SMG1: variants seen among roughly 807,000 people sequenced by gnomAD.
SMG1 encodes SMG1 nonsense mediated mRNA decay associated PI3K related kinase.
In SMG1, 22 loss-of-function variants were observed where a neutral mutation model predicts 419.9. The observed-to-expected ratio is 0.05, with a 90% CI of 0.04 to 0.07. The LOEUF is 0.07. Ranked by LOEUF, SMG1 falls within the 10% of genes least tolerant of loss-of-function variation. The probability of loss-of-function intolerance (pLI) is 1.00; values close to 1 mark genes in which losing one functional copy is unlikely to be tolerated. For synonymous variants in SMG1, 1,538 were observed against 1,553.5 expected (o/e 0.99, Z 0.23); for missense variants, 3,185 against 4,342.0 (o/e 0.73, Z 7.49).
intron 6 of SMG1, among the ~76,000 whole-genome samples, chr16:18,889,135 T>C (rs578151538): frequency 6.6e-6 from 1 of 152,300 alleles, no homozygotes; most frequent in Admixed American, 6.5e-5. Context: ...GTAAGCCAAT[T>C]TCTTAGAAGA....
intron 51 of SMG1, among the ~76,000 whole-genome samples, chr16:18,832,655 G>A (rs2033278266): frequency 6.6e-6 from 1 of 151,972 alleles, no homozygotes; most frequent in Non-Finnish European, 1.5e-5. Context: ...AGTAAGCGGT[G>A]TGGACTATAT....
intron 13 of SMG1, among the ~76,000 whole-genome samples, chr16:18,874,735 A>G (rs1259961936): frequency 6.6e-6 from 1 of 150,636 alleles, no homozygotes; most frequent in African/African-American, 2.4e-5. Flanking sequence ...TCGTAGTGGT[A>G]GGTGTCTGTA....
At position 18,892,295 on chromosome 16, in the gene SMG1, G is replaced by A. The variant is rs762315372; in HGVS notation, c.472C>T (p.Arg158Trp). The A allele has an allele frequency of 3.2e-5, 50 of 1,550,428 alleles. No homozygotes were observed. Among genetic ancestry groups the A allele is most frequent in the Admixed American group, 7.8e-5 (4 of 51,024 alleles). ...AATCTTCGGTCTCTGTCGTCTTCCC[G>A]GGTGATCCTCCGAAGAAGATTCGAC... ...RLSNLLRRIT[R>W]EDDRDRRLAT... The change falls in exon 4 of 63, where the codon CGG becomes TGG. Residue 158 changes from arginine (R) to tryptophan (W), a missense_variant. Coordinates refer to ENST00000446231, the MANE Select transcript of SMG1 (RefSeq NM_015092.5).
intron 1 of SMG1, among the ~76,000 whole-genome samples, chr16:18,923,576 A>G (rs1047688734): frequency 1.3e-5 from 2 of 151,668 alleles, no homozygotes; most frequent in Admixed American, 1.3e-4. Context: ...CAGAGGCTGC[A>G]GTGAGTCGAG....
chr16:18,856,454 A>T (rs2034915432), intron 29 of SMG1: 1 of 150,374 alleles, frequency 6.7e-6, no homozygotes, highest in Non-Finnish European at 1.5e-5. Flanking sequence ...CTCCTGCCTC[A>T]GCCTCCCAAG....
intron 25 of SMG1, 84 bp downstream of exon 25, chr16:18,863,566 G>T: frequency 2.4e-6 from 3 of 1,242,394 alleles, no homozygotes; most frequent in South Asian, 1.2e-5. Context: ...TACTACATAT[G>T]ACCAATTTTA....
chr16:18,899,702 T>C (rs371241028), intron 1 of SMG1, among the ~76,000 whole-genome samples: 11 of 152,006 alleles, frequency 7.2e-5, no homozygotes, highest in Admixed American at 5.9e-4. Context: ...AACTGCAGAT[T>C]TGAACTCCAA....
intron 1 of SMG1, among the ~76,000 whole-genome samples, chr16:18,906,522 G>A (rs2037569611): frequency 1.3e-5 from 2 of 152,068 alleles, no homozygotes; most frequent in Non-Finnish European, 2.9e-5. Flanking sequence ...TAAAATACCT[G>A]CACCTGATTC....
Position 18,892,125 on chromosome 16 carries a change from G to C in SMG1, c.549+93C>G, listed in dbSNP as rs2036911728. Reference sequence around the variant, plus strand: ...TTAAGTTCTCGATCATCATAATACAGACTTTCCCCATTCTTAAACTACTCA... The same window carrying C: ...TTAAGTTCTCGATCATCATAATACACACTTTCCCCATTCTTAAACTACTCA... On this transcript the variant is annotated intron_variant, in intron 4 of 62. Coordinates refer to ENST00000446231, the MANE Select transcript of SMG1 (RefSeq NM_015092.5). The C allele has an allele frequency of 2.1e-5, 18 of 877,780 alleles. No homozygotes were observed. In the Admixed American group the frequency reaches 3.4e-4, roughly 17 times the overall value. The allele number at this position is 877,780 out of a possible 1,614,324, so 54.4% of individuals were successfully genotyped here.
At chr16:18,851,503 C>T (rs987791458) in intron 33 of SMG1, among the ~76,000 whole-genome samples, 2 of 152,238 alleles carry the variant, frequency 1.3e-5, no homozygotes, top group African/African-American at 4.8e-5. Context: ...TAAGAACTTA[C>T]AATTTCTGAT....
At chr16:18,896,290 C>T (rs2037123839) in intron 2 of SMG1, 83 bp from the exon 3 acceptor site, 7 of 1,295,292 alleles carry the variant, frequency 5.4e-6, no homozygotes, top group South Asian at 1.2e-5. Context: ...GATCTTATTA[C>T]TCAATCTGCA....
chr16:18,814,169 G>GA (rs34187460), intron 60 of SMG1, among the ~76,000 whole-genome samples: 7 of 150,884 alleles, frequency 4.6e-5, no homozygotes, highest in Non-Finnish European at 8.9e-5. Context: ...TTATTAACTG[G>GA]AAAGGCAACA....
At chr16:18,816,275 A>C in intron 58 of SMG1, 27 bp downstream of exon 58, 1 of 1,545,926 alleles carries the variant, frequency 6.5e-7, no homozygotes, top group Non-Finnish European at 8.9e-7. Flanking sequence ...AGGGAGAGTA[A>C]ATGTGTGTTC....
Position 18,873,310 on chromosome 16 carries a change from C to T in SMG1, c.1891-686G>A, listed in dbSNP as rs557272812. Among the ~76,000 whole-genome samples the T allele has an allele frequency of 1.6e-4, 24 of 152,050 alleles. No individual in the cohort carries two copies. In the East Asian group the frequency reaches 4.1e-3, roughly 26 times the overall value. The stretch of plus-strand genomic sequence containing the variant: ...CTTGGCTCACTGCAACCTCCACCTC[C>T]GGGGTTCAAGCAATTCTCCCTGCCT... On this transcript the variant is annotated intron_variant, in intron 13 of 62. Coordinates refer to ENST00000446231, the MANE Select transcript of SMG1 (RefSeq NM_015092.5).
In SMG1 at chr16:18,829,938, T is replaced by C. The variant is rs772473180; in HGVS notation, c.9121A>G (p.Lys3041Glu). The C allele has an allele frequency of 6.4e-7, 1 of 1,552,966 alleles. No homozygotes were observed. Among genetic ancestry groups the C allele is most frequent in the Non-Finnish European group, 8.7e-7 (1 of 1,152,664 alleles). Residue 3041 changes from lysine (K) to glutamate (E), a missense_variant, in exon 53 of 63, where the codon AAA becomes GAA. By Grantham distance (56) the Lys-to-Glu change is moderately conservative (BLOSUM62 1). Coordinates refer to ENST00000446231, the MANE Select transcript of SMG1 (RefSeq NM_015092.5). ...EFFRLCGTFS[K>E]TLSGSSSLED... is the part of the protein sequence containing the mutation. ...GGTAGAATATTACCTGACAATGTTT[T>C]AGAAAAGGTACCACAGAGCCTGAAG...
chr16:18,852,330 A>G lies in SMG1; in HGVS notation c.4901T>C (p.Val1634Ala). The G allele has an allele frequency of 7.4e-6, 12 of 1,612,018 alleles. No homozygotes were observed. The highest frequency in any genetic ancestry group is 1.0e-5 in the Non-Finnish European group (12 of 1,179,290). Residue 1634 changes from valine (V) to alanine (A), a missense_variant, in exon 32 of 63, where the codon GTT becomes GCT. Val to Ala is a moderately conservative substitution (Grantham distance 64). Transcript: ENST00000446231. ...CATTTAAACATACCTGGCATTGTCA[A>G]CCACCTTTCTGCCCCACCTATAAGC... ...SWAYRWGRKV[V>A]DNASQGEGVR...
chr16:18,815,554 T>C lies in SMG1; in HGVS notation c.10400A>G (p.Gln3467Arg). 6.2e-6 allele frequency: 10 copies of C among 1,614,022 alleles called. No homozygotes were observed. The highest frequency in any genetic ancestry group is 5.9e-6 in the Non-Finnish European group (7 of 1,179,890). ...GEYKSWQDNI[Q>R]TVLFTLVQAM... ...CTGGACTAATGTAAATAGAACTGTT[T>C]GAATGTTGTCTTGCCATGATTTATA... The change falls in exon 59 of 63, where the codon CAA (glutamine) becomes CGA (arginine). Residue 3467 changes from glutamine (Q) to arginine (R), a missense_variant. Physicochemically the swap from Gln to Arg is conservative, Grantham distance 43. Coordinates refer to ENST00000446231, the MANE Select transcript of SMG1 (RefSeq NM_015092.5).
intron 54 of SMG1, 111 bp downstream of exon 54, chr16:18,829,175 G>GT (rs1567328342): frequency 3.5e-6 from 3 of 856,490 alleles, no homozygotes; most frequent in Admixed American, 2.8e-5. Flanking sequence ...TTGGGTTGCT[G>GT]TGAGTTCAGG....
chr16:18,925,683 T>A, intron 1 of SMG1: 1 of 114,008 alleles, frequency 8.8e-6, no homozygotes, highest in Non-Finnish European at 1.8e-5. Flanking sequence ...TCTCACCTCC[T>A]GGTCCCGACC....
Sources: allele counts gnomAD v4.1 joint callset (sites outside exome capture counted in the v4.1 genomes callset), GRCh38; gene constraint gnomAD v4.1.1; transcripts MANE v1.5; gene names NCBI Gene and HGNC (gene_info 2026-07-23, HGNC 2026-07-21).